The following CPT1A variants were observed in gnomAD, a reference collection of about 807,000 sequenced individuals.
The protein encoded by CPT1A is carnitine O-palmitoyltransferase 1, liver isoform.
A neutral mutation model predicts 100.8 loss-of-function variants in CPT1A; 64 were observed. The ratio of observed to expected loss-of-function variants is 0.63; its 90% CI spans 0.52 to 0.78. The LOEUF (loss-of-function observed/expected upper bound fraction) is 0.78. CPT1A is among the 30% of genes least tolerant of loss of function. The pLI is 0.00. For missense variants in CPT1A, 802 were observed against 1,034.1 expected, an observed-to-expected ratio of 0.78 and a Z score of 3.08; for synonymous variants, 363 against 396.0, an observed-to-expected ratio of 0.92 and a Z score of 0.99.
At chr11:68,778,635 G>T (rs1855208570) in intron 12 of CPT1A, among the ~76,000 whole-genome samples, 1 of 151,572 alleles carries the variant, frequency 6.6e-6, no homozygotes, top group South Asian at 2.1e-4. Context: ...GGCAGAGGTG[G>T]CAGTGAGCTG....
chr11:68,763,312 C>T (rs986712851), intron 14 of CPT1A, among the ~76,000 whole-genome samples: 1 of 151,614 alleles, frequency 6.6e-6, no homozygotes, highest in Admixed American at 6.6e-5. Context: ...TGACACCCCC[C>T]CCACCCCCGA....
chr11:68,766,039 T>C (rs1196474416), intron 14 of CPT1A, among the ~76,000 whole-genome samples: 1 of 152,032 alleles, frequency 6.6e-6, no homozygotes, highest in African/African-American at 2.4e-5. Context: ...ACCTGGATAA[T>C]TTTTGTATTT....
chr11:68,833,389 A>G (rs1856927692), intron 1 of CPT1A, among the ~76,000 whole-genome samples: 1 of 152,254 alleles, frequency 6.6e-6, no homozygotes, highest in African/African-American at 2.4e-5. Context: ...TCGTTATTCA[A>G]TTGCAGATAT....
At chr11:68,843,637 C>A (rs768734481), upstream of CPT1A, among the ~76,000 whole-genome samples, 15 of 152,242 alleles carry the variant, frequency 9.9e-5, no homozygotes, top group Non-Finnish European at 1.8e-4. The surrounding 1 kb of genome is among the most constrained non-coding windows in gnomAD (Gnocchi z 4.0). Context: ...AATCTCTCAT[C>A]TCTCCTTTTA....
At position 68,815,494 on chromosome 11, in the gene CPT1A, G is replaced by A; in HGVS notation, c.-13-7C>T. 1.2e-6 allele frequency: 2 copies of A among 1,613,702 alleles called. No individual in the cohort carries two copies. The highest frequency in any genetic ancestry group is 1.1e-5 in the South Asian group (1 of 91,062). On this transcript the variant is annotated splice_region_variant and splice_polypyrimidine_tract_variant and intron_variant, in intron 1 of 18. Coordinates refer to ENST00000265641, the MANE Select transcript of CPT1A (RefSeq NM_001876.4). Reference sequence around the variant, plus strand: ...TGCCATCTTCAGAGAGTACCTGGAAGGAGAAGGAGAAAATGTAACACAGTG... The same window carrying A: ...TGCCATCTTCAGAGAGTACCTGGAAAGAGAAGGAGAAAATGTAACACAGTG...
intron 9 of CPT1A, among the ~76,000 whole-genome samples, chr11:68,792,131 G>A (rs569772309): frequency 6.6e-6 from 1 of 152,078 alleles, no homozygotes; most frequent in South Asian, 2.1e-4. Context: ...GAGGTCAGGA[G>A]ATGAGACCAT....
chr11:68,774,897 G>A (rs1855103432), intron 13 of CPT1A, among the ~76,000 whole-genome samples: 1 of 151,922 alleles, frequency 6.6e-6, no homozygotes, highest in South Asian at 2.1e-4. Flanking sequence ...TCCCAAAAGG[G>A]CTCCTGTGAA....
rs199589844 is a variant in CPT1A at position 68,804,037 on chromosome 11, C to T, written c.518G>A (p.Arg173His). The T allele has an allele frequency of 9.0e-4, 1,451 of 1,613,876 alleles. 31 individuals are homozygous for T. In the South Asian group the frequency reaches 0.015, roughly 16 times the overall value. ...MLYSFQTSLP[R>H]LPVPAVKDTV... ...GTCTTTGACAGCCGGGACCGGCAGG[C>T]GAGGCAGCGATGTCTGGAAGCTGTA... The change falls in exon 5 of 19, where the codon CGC (arginine) becomes CAC (histidine). Residue 173 changes from arginine (R) to histidine (H), a missense_variant. Around this residue, in one of 4 missense-constraint regions of CPT1A, gnomAD observed 627 missense variants for 799.3 expected, o/e 0.78. Transcript: ENST00000265641.
intron 1 of CPT1A, among the ~76,000 whole-genome samples, chr11:68,832,217 G>C (rs888994003): frequency 1.3e-5 from 2 of 152,186 alleles, no homozygotes; most frequent in African/African-American, 4.8e-5. Flanking sequence ...GGCAGGCCAA[G>C]GCGGACAGAT....
intron 14 of CPT1A, among the ~76,000 whole-genome samples, chr11:68,768,287 G>C (rs925970209): frequency 3.3e-5 from 5 of 151,948 alleles, no homozygotes; most frequent in African/African-American, 1.2e-4. Context: ...GTGTTAGCCA[G>C]GATGGTCTCG....
intron 1 of CPT1A, among the ~76,000 whole-genome samples, chr11:68,824,108 C>T (rs1322884897): frequency 2.6e-5 from 4 of 151,610 alleles, no homozygotes; most frequent in South Asian, 2.1e-4. Context: ...ATTAGCCAGG[C>T]GCGGTGGCAG....
chr11:68,773,247 T>C lies in CPT1A; in HGVS notation c.1740+18A>G. ...CCCCAAAGTGCTCACGACAAAACCC[T>C]AGGCGGTCAGTTCTTACCTTGTAGT... On this transcript the variant is annotated intron_variant, in intron 14 of 18. Transcript: ENST00000265641. The C allele has an allele frequency of 6.2e-7, 1 of 1,613,406 alleles. No individual in the cohort carries two copies. Among genetic ancestry groups the C allele is most frequent in the Non-Finnish European group, 8.5e-7 (1 of 1,179,954 alleles).
chr11:68,778,037 A>G (rs151083133), intron 12 of CPT1A, among the ~76,000 whole-genome samples: 3 of 152,038 alleles, frequency 2.0e-5, no homozygotes, highest in East Asian at 3.9e-4. Flanking sequence ...TTTATCAGGT[A>G]TTAATGTCCT....
chr11:68,830,104 CCTT>C (rs1639832643), intron 1 of CPT1A, among the ~76,000 whole-genome samples: 1 of 152,150 alleles, frequency 6.6e-6, no homozygotes, highest in Non-Finnish European at 1.5e-5. Flanking sequence ...TGGCAAAACT[CCTT>C]CTCTGCCAAA....
intron 1 of CPT1A, among the ~76,000 whole-genome samples, chr11:68,837,616 C>G (rs542157520): frequency 6.6e-6 from 1 of 152,250 alleles, no homozygotes; most frequent in South Asian, 2.1e-4. Flanking sequence ...ACAGGAACTT[C>G]CCATAACACA....
At chr11:68,813,576 C>G (rs927957531) in intron 2 of CPT1A, among the ~76,000 whole-genome samples, 1 of 150,198 alleles carries the variant, frequency 6.7e-6, no homozygotes, top group African/African-American at 2.5e-5. Flanking sequence ...GTGGTGTGCA[C>G]CTATGGTCCC....
intron 9 of CPT1A, among the ~76,000 whole-genome samples, chr11:68,788,934 A>G (rs1594340880): frequency 1.3e-5 from 2 of 152,176 alleles, no homozygotes; most frequent in East Asian, 3.9e-4. Flanking sequence ...CGGCAAGCCA[A>G]TTCTAGGTGC....
At chr11:68,776,478 A>G (rs1196437546) in intron 12 of CPT1A, among the ~76,000 whole-genome samples, 2 of 152,248 alleles carry the variant, frequency 1.3e-5, no homozygotes, top group Non-Finnish European at 2.9e-5. Context: ...GATTCTATCT[A>G]TATAAGATGT....
At chr11:68,813,280 C>G (rs1321331909) in intron 2 of CPT1A, among the ~76,000 whole-genome samples, 1 of 151,962 alleles carries the variant, frequency 6.6e-6, no homozygotes, top group Non-Finnish European at 1.5e-5. Context: ...CCTGTAACCC[C>G]AGCACTTTGG....
Sources: allele counts gnomAD v4.1 joint callset (sites outside exome capture counted in the v4.1 genomes callset), GRCh38; gene constraint gnomAD v4.1.1; regional missense constraint gnomAD v4.1.1; non-coding constraint Gnocchi (gnomAD v3.1); transcripts MANE v1.5; gene names NCBI Gene and HGNC (gene_info 2026-07-23, HGNC 2026-07-21).